ARHGAP21: variants seen among roughly 807,000 people sequenced by gnomAD.
ARHGAP21 encodes Rho GTPase activating protein 21.
ARHGAP21 carries 38 observed loss-of-function variants against 164.6 expected under a neutral mutation model. The observed-to-expected ratio is 0.23, with a 90% CI of 0.18 to 0.30. The LOEUF (loss-of-function observed/expected upper bound fraction) is 0.30, where lower values mean the gene tolerates loss of function less well. Ranked by LOEUF, ARHGAP21 falls within the 10% of genes least tolerant of loss-of-function variation. The pLI, the probability that ARHGAP21 is intolerant of heterozygous loss-of-function variation, is 1.00. For synonymous variants in ARHGAP21, 766 were observed against 857.9 expected (o/e 0.89, Z 1.87); for missense variants, 1,822 against 2,370.7 (o/e 0.77, Z 4.81).
intron 4 of ARHGAP21, among the ~76,000 whole-genome samples, chr10:24,660,025 C>T (rs1421587666): frequency 6.6e-6 from 1 of 152,176 alleles, no homozygotes; most frequent in Non-Finnish European, 1.5e-5. Flanking sequence ...GTTAAATTAG[C>T]TGCCACCACC....
At chr10:24,697,718 G>C (rs1458940572) in intron 2 of ARHGAP21, among the ~76,000 whole-genome samples, 1 of 151,908 alleles carries the variant, frequency 6.6e-6, no homozygotes, top group African/African-American at 2.4e-5. Flanking sequence ...AAATTAGCCG[G>C]GCATGGTGGT....
intron 4 of ARHGAP21, among the ~76,000 whole-genome samples, chr10:24,638,154 C>G (rs143203916): frequency 6.6e-6 from 1 of 152,044 alleles, no homozygotes; most frequent in Non-Finnish European, 1.5e-5. Flanking sequence ...TGTGAGCCAC[C>G]GAGCCCGGCC....
intron 1 of ARHGAP21, chr10:24,722,860 G>C (rs1003856435): frequency 1.3e-5 from 2 of 151,824 alleles, no homozygotes; most frequent in Admixed American, 1.3e-4. Context: ...AGGCGTGCGC[G>C]GCCGCGGGTG....
intron 21 of ARHGAP21, among the ~76,000 whole-genome samples, chr10:24,594,613 C>T (rs935126369): frequency 9.0e-6 from 1 of 111,482 alleles, no homozygotes; most frequent in African/African-American, 3.2e-5. Context: ...TGTCTGTTTT[C>T]CCTGTATTCT....
intron 6 of ARHGAP21, among the ~76,000 whole-genome samples, chr10:24,632,970 A>G (rs1182262721): frequency 6.6e-6 from 1 of 152,174 alleles, no homozygotes; most frequent in Non-Finnish European, 1.5e-5. Context: ...ATTAAAAGGG[A>G]ATGTCTTGTT....
At chr10:24,710,533 G>A (rs1012694589) in intron 2 of ARHGAP21, among the ~76,000 whole-genome samples, 1 of 152,032 alleles carries the variant, frequency 6.6e-6, no homozygotes, top group South Asian at 2.1e-4. Context: ...AATTGTCTGC[G>A]CTTCCCATTG....
Position 24,585,632 on chromosome 10 carries a change from A to G in ARHGAP21, c.4657T>C (p.Ser1553Pro), listed in dbSNP as rs528682728. The G allele has an allele frequency of 2.7e-5, 44 of 1,614,172 alleles. No homozygotes were observed. In the South Asian group the frequency reaches 4.4e-4, roughly 16 times the overall value. ...GSDSGTLLST[S>P]SQASLARFSM... ...AACCTTGCCAGGGAGGCCTGGGAAG[A>G]CGTGCTGAGCAAAGTGCCAGAGTCA... The change falls in exon 26 of 26, where the codon TCT becomes CCT. Residue 1553 changes from serine (S) to proline (P), a missense_variant. Coordinates refer to ENST00000396432, the MANE Select transcript of ARHGAP21 (RefSeq NM_020824.4).
At chr10:24,677,541 T>C (rs901274867) in intron 2 of ARHGAP21, among the ~76,000 whole-genome samples, 5 of 152,236 alleles carry the variant, frequency 3.3e-5, no homozygotes, top group African/African-American at 1.2e-4. Context: ...TATTTGAAAC[T>C]AACTTATCAT....
intron 2 of ARHGAP21, among the ~76,000 whole-genome samples, chr10:24,685,830 C>G (rs182426698): frequency 6.6e-6 from 1 of 152,066 alleles, no homozygotes; most frequent in Non-Finnish European, 1.5e-5. Context: ...GAGCCAAGAT[C>G]GCACCACTGC....
In ARHGAP21 at chr10:24,589,293, G is replaced by A; in HGVS notation, c.4160C>T (p.Thr1387Ile). ...VSPGDVSDSA[T>I]SDSTKSKGSW... ...TACCTTAGATTTTGTTGAGTCACTA[G>A]TAGCTGAATCTGTGAAAAATTAAAT... Residue 1387 changes from threonine (T) to isoleucine (I), a missense_variant, in exon 25 of 26, where the codon ACT becomes ATT. Thr to Ile is a moderately conservative substitution (Grantham distance 89). Around this residue, in one of 5 missense-constraint regions of ARHGAP21, gnomAD observed 333 missense variants for 383.9 expected, o/e 0.87. Transcript: ENST00000396432. 3 of 1,608,604 alleles carry A rather than the reference G, an allele frequency of 1.9e-6. No homozygotes were observed. The highest frequency in any genetic ancestry group is 1.7e-6 in the Non-Finnish European group (2 of 1,176,234).
chr10:24,667,414 T>C (rs1384885742), intron 3 of ARHGAP21, among the ~76,000 whole-genome samples: 1 of 152,026 alleles, frequency 6.6e-6, no homozygotes, highest in Non-Finnish European at 1.5e-5. Flanking sequence ...TACTGTACTA[T>C]ACTTAAATGT....
chr10:24,595,313 T>C, intron 19 of ARHGAP21, 123 bp from the exon 20 acceptor site: 1 of 873,138 alleles, frequency 1.1e-6, no homozygotes, highest in Non-Finnish European at 1.7e-6. Context: ...TTTTGAAATG[T>C]AAATTTCTAA....
intron 2 of ARHGAP21, among the ~76,000 whole-genome samples, chr10:24,697,529 A>G (rs1843278479): frequency 6.6e-6 from 1 of 151,930 alleles, no homozygotes; most frequent in African/African-American, 2.4e-5. Flanking sequence ...TTTTTCTTAC[A>G]TTTTATACAG....
chr10:24,596,168 A>G, intron 17 of ARHGAP21, 125 bp from the exon 18 acceptor site: 1 of 787,112 alleles, frequency 1.3e-6, no homozygotes, highest in Admixed American at 3.2e-5. Context: ...TATAAAGAAT[A>G]CAGACATTAT....
At chr10:24,628,812 TATAC>T (rs199690195) in intron 7 of ARHGAP21, among the ~76,000 whole-genome samples, 24,385 of 120,650 alleles carry the variant, frequency 0.2, 2,513 homozygotes, top group Middle Eastern at 0.39. Context: ...TATACATATA[TATAC>T]ATATACACAC....
intron 2 of ARHGAP21, among the ~76,000 whole-genome samples, chr10:24,690,835 A>T (rs938080276): frequency 9.3e-5 from 14 of 150,550 alleles, no homozygotes; most frequent in African/African-American, 2.4e-4. Context: ...CTCAAAAAAA[A>T]AAATATATAT....
chr10:24,656,074 G>A (rs1838833275), intron 4 of ARHGAP21, among the ~76,000 whole-genome samples: 1 of 148,366 alleles, frequency 6.7e-6, no homozygotes, highest in South Asian at 2.1e-4. Context: ...CCCCGTCTAA[G>A]AAGTGAGGAG....
At chr10:24,608,863 A>G (rs1031571745) in intron 9 of ARHGAP21, among the ~76,000 whole-genome samples, 6 of 152,242 alleles carry the variant, frequency 3.9e-5, no homozygotes, top group Admixed American at 1.3e-4. Flanking sequence ...ACGACAGTTT[A>G]CTATTATGTC....
chr10:24,621,211 G>T lies in ARHGAP21; in HGVS notation c.684C>A (p.Ser228Arg), dbSNP rs768163077. The part of the protein sequence containing the change: ...VEISPPDSSL[S>R]KQQTSTPVLT... Reference sequence around the variant, plus strand: ...GTACTGGTGTACTGGTTTGCTGTTTGCTCAATGATGAGTCAGGAGGAGATA... The same window carrying T: ...GTACTGGTGTACTGGTTTGCTGTTTTCTCAATGATGAGTCAGGAGGAGATA... The change falls in exon 9 of 26, where the codon AGC becomes AGA. Residue 228 changes from serine to arginine, a missense_variant. Physicochemically the swap from Ser to Arg is moderately radical, Grantham distance 110. Coordinates refer to ENST00000396432, the MANE Select transcript of ARHGAP21 (RefSeq NM_020824.4). 2.5e-6 allele frequency: 4 copies of T among 1,613,940 alleles called. No individual in the cohort carries two copies. The South Asian group carries it at 4.4e-5, about 18-fold the overall frequency.
Sources: allele counts gnomAD v4.1 joint callset (sites outside exome capture counted in the v4.1 genomes callset), GRCh38; gene constraint gnomAD v4.1.1; regional missense constraint gnomAD v4.1.1; transcripts MANE v1.5; gene names NCBI Gene and HGNC (gene_info 2026-07-23, HGNC 2026-07-21).